The following LSAMP variants were observed in gnomAD, a reference collection of about 807,000 sequenced individuals.
LSAMP encodes limbic system associated membrane protein.
A neutral mutation model predicts 38.6 loss-of-function variants in LSAMP; 7 were observed. The observed-to-expected ratio is 0.18, with a 90% CI of 0.10 to 0.34. LSAMP has a LOEUF of 0.34. Ranked by LOEUF, LSAMP falls within the 10% of genes least tolerant of loss-of-function variation. The probability of loss-of-function intolerance (pLI) is 1.00; values close to 1 mark genes in which losing one functional copy is unlikely to be tolerated. For missense variants in LSAMP, 313 were observed against 420.0 expected (o/e 0.75, Z 2.23); for synonymous variants, 154 against 166.8 (o/e 0.92, Z 0.59).
At chr3:116,349,908 T>C (rs980357690) in intron 1 of LSAMP, among the ~76,000 whole-genome samples, 9 of 152,034 alleles carry the variant, frequency 5.9e-5, no homozygotes, top group Admixed American at 5.9e-4. Context: ...TTTCTGAACA[T>C]GTGCATATGT....
At chr3:116,091,697 T>A (rs1290875291) in intron 1 of LSAMP, among the ~76,000 whole-genome samples, 1 of 152,214 alleles carries the variant, frequency 6.6e-6, no homozygotes, top group Admixed American at 6.5e-5. Flanking sequence ...GATAAAAAGA[T>A]GTATTTCAAA....
chr3:116,197,382 A>C (rs2107588463), intron 1 of LSAMP, among the ~76,000 whole-genome samples: 1 of 152,328 alleles, frequency 6.6e-6, no homozygotes, highest in East Asian at 1.9e-4. Context: ...AGATGCAGAC[A>C]ACATCATCTT....
At chr3:115,926,600 G>A (rs1317440899) in intron 3 of LSAMP, among the ~76,000 whole-genome samples, 1 of 152,174 alleles carries the variant, frequency 6.6e-6, no homozygotes, top group Non-Finnish European at 1.5e-5. Flanking sequence ...AGATTTGGGA[G>A]TCCTGTGGGG....
chr3:116,036,394 G>T (rs2107711000), intron 2 of LSAMP, among the ~76,000 whole-genome samples: 1 of 152,128 alleles, frequency 6.6e-6, no homozygotes, highest in East Asian at 1.9e-4. Context: ...CCTGACAGAG[G>T]CCGTCACCTT....
At chr3:116,290,766 AT>A (rs2047255813) in intron 1 of LSAMP, among the ~76,000 whole-genome samples, 2 of 140,030 alleles carry the variant, frequency 1.4e-5, no homozygotes, top group Admixed American at 7.1e-5. Context: ...AATAATAATA[AT>A]AATAATAAAA....
chr3:116,369,087 A>C (rs962544739), intron 1 of LSAMP, among the ~76,000 whole-genome samples: 6 of 152,164 alleles, frequency 3.9e-5, no homozygotes, highest in African/African-American at 1.4e-4. Context: ...TAATTGTATT[A>C]TGTTTATTGA....
intron 1 of LSAMP, among the ~76,000 whole-genome samples, chr3:116,266,401 A>C (rs1164593016): frequency 6.6e-6 from 1 of 152,182 alleles, no homozygotes; most frequent in Non-Finnish European, 1.5e-5. Flanking sequence ...ACTTTGAGAG[A>C]GGGCAGAAAG....
chr3:116,162,660 A>G (rs1309911103), intron 1 of LSAMP, among the ~76,000 whole-genome samples: 1 of 150,074 alleles, frequency 6.7e-6, no homozygotes, highest in Admixed American at 6.7e-5. Flanking sequence ...ATATATATAT[A>G]GTGGCTCTTC....
chr3:116,097,737 T>C (rs1361327611), intron 1 of LSAMP, among the ~76,000 whole-genome samples: 2 of 145,548 alleles, frequency 1.4e-5, no homozygotes, highest in African/African-American at 2.6e-5. Context: ...AAAGAAGTCT[T>C]TTTTTTTTTT....
chr3:115,948,648 T>G lies in LSAMP; in HGVS notation c.514+70867A>C, dbSNP rs560127333. ...GCAAAAACAGTGCTAAAAGGAAAGT[T>G]CATAGCATTAAATGCCTACATCAAA... On this transcript the variant is annotated intron_variant, in intron 3 of 6. Transcript: ENST00000490035. 6.8e-4 allele frequency among the ~76,000 whole-genome samples: 104 copies of G among 152,260 alleles called. 2 individuals carry two copies. Among genetic ancestry groups the G allele is most frequent in the African/African-American group, 2.2e-3 (93 of 41,554 alleles).
At chr3:116,443,108 A>G (rs1686618744) in intron 1 of LSAMP, among the ~76,000 whole-genome samples, 1 of 152,228 alleles carries the variant, frequency 6.6e-6, no homozygotes, top group Non-Finnish European at 1.5e-5. Flanking sequence ...TAACCAGTGA[A>G]CAAAATTTCT....
At chr3:116,149,179 T>C (rs9835757) in intron 1 of LSAMP, among the ~76,000 whole-genome samples, 7,383 of 151,834 alleles carry the variant, frequency 0.049, 274 homozygotes, top group East Asian at 0.092. Flanking sequence ...ATGCCCTCAA[T>C]GTGCAGACTC....
intron 3 of LSAMP, among the ~76,000 whole-genome samples, chr3:115,977,453 C>T (rs543624599): frequency 6.6e-6 from 1 of 152,288 alleles, no homozygotes; most frequent in East Asian, 1.9e-4. Flanking sequence ...TTTGGCCCAA[C>T]CACTCTAATT....
At chr3:116,302,353 A>G (rs964189008) in intron 1 of LSAMP, among the ~76,000 whole-genome samples, 3 of 152,020 alleles carry the variant, frequency 2.0e-5, no homozygotes, top group Non-Finnish European at 4.4e-5. Flanking sequence ...TTCTCTTTTC[A>G]TTCCCTAGTT....
chr3:115,852,007 A>G (rs985990067), intron 4 of LSAMP, among the ~76,000 whole-genome samples: 12 of 152,222 alleles, frequency 7.9e-5, no homozygotes, highest in Admixed American at 1.3e-4. Context: ...TCAGGGACAC[A>G]TGGTGTCTGA....
chr3:116,435,862 C>T (rs964207144), intron 1 of LSAMP, among the ~76,000 whole-genome samples: 8 of 152,054 alleles, frequency 5.3e-5, no homozygotes, highest in African/African-American at 1.9e-4. Flanking sequence ...CTTAACCAGG[C>T]AGAAGTTCAT....
At chr3:116,120,220 A>G (rs1034552509) in intron 1 of LSAMP, among the ~76,000 whole-genome samples, 1 of 152,208 alleles carries the variant, frequency 6.6e-6, no homozygotes, top group South Asian at 2.1e-4. Context: ...ATCTTGATGG[A>G]CCAAAGGAGG....
intron 3 of LSAMP, among the ~76,000 whole-genome samples, chr3:115,942,392 CTT>C (rs1223160079): frequency 6.6e-6 from 1 of 152,168 alleles, no homozygotes; most frequent in African/African-American, 2.4e-5. Flanking sequence ...CTTGTAAAGA[CTT>C]TGTCATCAGA....
intron 1 of LSAMP, among the ~76,000 whole-genome samples, chr3:116,263,252 A>G (rs2107660650): frequency 6.6e-6 from 1 of 152,280 alleles, no homozygotes; most frequent in Non-Finnish European, 1.5e-5. Context: ...ATAAAAAAGG[A>G]TGGGGCTGGG....
Sources: allele counts gnomAD v4.1 joint callset (sites outside exome capture counted in the v4.1 genomes callset), GRCh38; gene constraint gnomAD v4.1.1; transcripts MANE v1.5; gene names NCBI Gene and HGNC (gene_info 2026-07-23, HGNC 2026-07-21).